PLIN3: variants seen among roughly 807,000 people sequenced by gnomAD.
PLIN3 encodes perilipin 3, also known as perilipin-3.
In PLIN3, 30 loss-of-function variants were observed where a neutral mutation model predicts 35.9. The ratio of observed to expected loss-of-function variants is 0.84; its 90% CI spans 0.62 to 1.13. The LOEUF (loss-of-function observed/expected upper bound fraction) is 1.13. PLIN3 is among the 50% of genes most tolerant of loss of function. The pLI, the probability that PLIN3 is intolerant of heterozygous loss-of-function variation, is 0.00. For synonymous variants in PLIN3, 261 were observed against 262.5 expected (o/e 0.99, Z 0.06); for missense variants, 603 against 596.9 (o/e 1.01, Z -0.11).
rs370524929 is a variant in PLIN3 at position 4,856,247 on chromosome 19, G to A, written c.348+3343C>T. 3.9e-5 allele frequency among the ~76,000 whole-genome samples: 6 copies of A among 152,044 alleles called. No homozygotes were observed. In the East Asian group the frequency reaches 5.8e-4, roughly 15 times the overall value. ...TAACCACTGGGCTGAAGCGGACATG[G>A]AGCACCTGAATACTTAATAAGCATC... On this transcript the variant is annotated intron_variant, in intron 4 of 7. Transcript: ENST00000221957.
At chr19:4,846,982 C>T (rs368718477) in intron 6 of PLIN3, among the ~76,000 whole-genome samples, 44 of 151,770 alleles carry the variant, frequency 2.9e-4, no homozygotes, top group South Asian at 1.5e-3. Context: ...CTCTGCCGCC[C>T]GGGTTCAAGC....
chr19:4,839,754 C>G (rs1200139993), intron 7 of PLIN3, among the ~76,000 whole-genome samples: 3 of 151,870 alleles, frequency 2.0e-5, no homozygotes, highest in Non-Finnish European at 2.9e-5. Context: ...CAAGCTCCGC[C>G]TCTCAGGTTC....
At chr19:4,840,670 G>A (rs1453570243) in intron 7 of PLIN3, among the ~76,000 whole-genome samples, 1 of 152,216 alleles carries the variant, frequency 6.6e-6, no homozygotes, top group Non-Finnish European at 1.5e-5. Flanking sequence ...ACCATAAGGA[G>A]GCCTGGCATG....
At chr19:4,848,987 C>T (rs2030198065) in intron 5 of PLIN3, among the ~76,000 whole-genome samples, 1 of 151,954 alleles carries the variant, frequency 6.6e-6, no homozygotes, top group Non-Finnish European at 1.5e-5. Flanking sequence ...TTTTTTTAGA[C>T]AGGGTCTCGG....
At chr19:4,857,238 G>A (rs187259631) in intron 4 of PLIN3, among the ~76,000 whole-genome samples, 1 of 152,062 alleles carries the variant, frequency 6.6e-6, no homozygotes, top group Non-Finnish European at 1.5e-5. Flanking sequence ...AAGAGTTGGA[G>A]ACCGGCCTGG....
intron 7 of PLIN3, among the ~76,000 whole-genome samples, chr19:4,840,832 C>A (rs2029880918): frequency 6.6e-6 from 1 of 152,138 alleles, no homozygotes; most frequent in South Asian, 2.1e-4. Context: ...ATAATCCCAG[C>A]TACACAGGAA....
intron 4 of PLIN3, among the ~76,000 whole-genome samples, chr19:4,854,470 C>A (rs1302766183): frequency 6.6e-6 from 1 of 151,924 alleles, no homozygotes; most frequent in East Asian, 1.9e-4. Context: ...GTGGCACTAT[C>A]TCGGCTCACC....
At chr19:4,861,448 GCC>G in intron 1 of PLIN3, 37 bp from the exon 2 acceptor site, 18 of 1,466,194 alleles carry the variant, frequency 1.2e-5, no homozygotes, top group Non-Finnish European at 1.7e-5. Flanking sequence ...AGCCTGCCTG[GCC>G]CCACCTTCCA....
rs750604861 is a variant in PLIN3, at chr19:4,844,761, C to A, written c.867G>T (p.Lys289Asn). ...METVKQGVDQ[K>N]LVEGQEKLHQ... Reference sequence around the variant, plus strand: ...GCAGCTTCTCCTGGCCTTCCACCAGCTTCTGATCAACGCCTTGCTTGACAG... The same window carrying A: ...GCAGCTTCTCCTGGCCTTCCACCAGATTCTGATCAACGCCTTGCTTGACAG... The change falls in exon 7 of 8, where the codon AAG becomes AAT. Residue 289 changes from lysine to asparagine, a missense_variant. Transcript: ENST00000221957. 1 of 1,602,946 alleles carries A rather than the reference C, an allele frequency of 6.2e-7. No individual in the cohort carries two copies. Among genetic ancestry groups the A allele is most frequent in the South Asian group, 1.1e-5 (1 of 88,938 alleles).
At chr19:4,864,538 A>G (rs572799976) in intron 1 of PLIN3, among the ~76,000 whole-genome samples, 1 of 150,908 alleles carries the variant, frequency 6.6e-6, no homozygotes, top group Admixed American at 6.6e-5. Context: ...GTTGGTCTTG[A>G]ACTCCTGAGC....
intron 4 of PLIN3, among the ~76,000 whole-genome samples, chr19:4,858,416 C>T (rs889720712): frequency 3.3e-5 from 5 of 151,360 alleles, no homozygotes; most frequent in African/African-American, 1.2e-4. Flanking sequence ...CTCGCTCTGT[C>T]GCCCAGGCTG....
chr19:4,850,565 C>A (rs1228335753), intron 5 of PLIN3, among the ~76,000 whole-genome samples: 1 of 149,984 alleles, frequency 6.7e-6, no homozygotes, highest in Non-Finnish European at 1.5e-5. Context: ...GGACTACAGG[C>A]ACCCGCCACC....
chr19:4,853,754 A>C (rs1311828297), intron 4 of PLIN3, among the ~76,000 whole-genome samples: 4 of 151,758 alleles, frequency 2.6e-5, no homozygotes, highest in East Asian at 1.9e-4. Flanking sequence ...TGGAGTTTGC[A>C]GTGAGCCGAG....
At chr19:4,849,266 C>A (rs2030206812) in intron 5 of PLIN3, among the ~76,000 whole-genome samples, 1 of 151,852 alleles carries the variant, frequency 6.6e-6, no homozygotes, top group Non-Finnish European at 1.5e-5. Flanking sequence ...AGCCATTGCA[C>A]CTGGCTTCCT....
At position 4,865,618 on chromosome 19, in the gene PLIN3, C is replaced by T. The variant is rs371954260; in HGVS notation, c.-18+1991G>A. On this transcript the variant is annotated intron_variant, in intron 1 of 7. Coordinates refer to ENST00000221957, the MANE Select transcript of PLIN3 (RefSeq NM_005817.5). ...CTTTTCCCAGAGGAATGAGGCCCCACCTCCTGGTGGCCTTGCTTCGATGTC... is the reference window on the plus strand; with the variant it reads ...CTTTTCCCAGAGGAATGAGGCCCCATCTCCTGGTGGCCTTGCTTCGATGTC... Among the ~76,000 whole-genome samples, 490 of 152,214 alleles carry T rather than the reference C, an allele frequency of 3.2e-3. 8 individuals carry two copies. The South Asian group carries it at 0.033, about 10-fold the overall frequency.
At chr19:4,857,774 G>T (rs995474646) in intron 4 of PLIN3, among the ~76,000 whole-genome samples, 1 of 151,888 alleles carries the variant, frequency 6.6e-6, no homozygotes, top group African/African-American at 2.4e-5. Flanking sequence ...TCGGGAGCTC[G>T]AGACCAGCCT....
intron 5 of PLIN3, among the ~76,000 whole-genome samples, chr19:4,848,384 A>C (rs10415336): frequency 0.13 from 19,728 of 152,262 alleles, 1,387 homozygotes; most frequent in Middle Eastern, 0.17. Context: ...AACGGGGATA[A>C]GGAAAATTAA....
At chr19:4,841,727 C>T (rs2029896272) in intron 7 of PLIN3, among the ~76,000 whole-genome samples, 1 of 150,752 alleles carries the variant, frequency 6.6e-6, no homozygotes, top group Non-Finnish European at 1.5e-5. Context: ...ATGGTGAAAC[C>T]CCATCTCTAC....
intron 4 of PLIN3, among the ~76,000 whole-genome samples, chr19:4,859,320 G>A (rs2602722): frequency 3.3e-5 from 5 of 151,984 alleles, no homozygotes; most frequent in African/African-American, 9.6e-5. Context: ...TCAGGAGTTC[G>A]AGACCAGCCC....
Sources: allele counts gnomAD v4.1 joint callset (sites outside exome capture counted in the v4.1 genomes callset), GRCh38; gene constraint gnomAD v4.1.1; transcripts MANE v1.5; gene names NCBI Gene and HGNC (gene_info 2026-07-23, HGNC 2026-07-21).